Variants in ETS1 observed in about 807,000 individuals in gnomAD.
ETS1 encodes ETS proto-oncogene 1, transcription factor.
ETS1 carries 15 observed loss-of-function variants against 58.6 expected under a neutral mutation model. The ratio of observed to expected loss-of-function variants is 0.26; its 90% CI spans 0.17 to 0.39. ETS1 has a LOEUF of 0.39. Among genes scored for constraint, ETS1 ranks in the 10% least tolerant of loss-of-function variants. ETS1 has a pLI of 1.00. For missense variants in ETS1, 417 were observed against 610.5 expected, an observed-to-expected ratio of 0.68 and a Z score of 3.34; for synonymous variants, 214 against 218.2, an observed-to-expected ratio of 0.98 and a Z score of 0.17.
At chr11:128,479,801 C>G (rs1329495621) in intron 8 of ETS1, among the ~76,000 whole-genome samples, 3 of 152,000 alleles carry the variant, frequency 2.0e-5, no homozygotes, top group Admixed American at 2.0e-4. Context: ...TTGAGAGATG[C>G]TGCTGCTGAT....
At chr11:128,468,589 T>C (rs2135418153) in intron 8 of ETS1, among the ~76,000 whole-genome samples, 1 of 152,204 alleles carries the variant, frequency 6.6e-6, no homozygotes, top group Non-Finnish European at 1.5e-5. Flanking sequence ...AAGTTCTCAC[T>C]CTTGTCACCT....
Position 128,522,442 on chromosome 11 carries a change from G to C in ETS1, c.215-31866C>G, listed in dbSNP as rs909804504. ...CGATGTCCGCTTGGGGGAGCGAGGG[G>C]CGGGGCGTCGGGGCAGGGCGGGGAG... On this transcript the variant is annotated intron_variant, in intron 3 of 9. Transcript: ENST00000392668. 1.7e-5 allele frequency: 13 copies of C among 754,460 alleles called. No individual in the cohort carries two copies. The Admixed American group carries it at 4.4e-4, about 25-fold the overall frequency. 46.7% of individuals were successfully genotyped at this position (754,460 alleles called of 1,614,324 possible).
intron 3 of ETS1, chr11:128,527,125 A>G (rs1209006916): frequency 5.5e-6 from 2 of 362,234 alleles, no homozygotes; most frequent in East Asian, 8.1e-5. Flanking sequence ...TAGAAATCCA[A>G]CTTCTCTACA....
intron 8 of ETS1, among the ~76,000 whole-genome samples, chr11:128,467,856 C>G (rs1269075983): frequency 6.6e-6 from 1 of 152,102 alleles, no homozygotes; most frequent in East Asian, 1.9e-4. Flanking sequence ...AAGGAGGTCT[C>G]TTTCCAGAGC....
At chr11:128,542,487 A>G (rs1864071512) in intron 3 of ETS1, among the ~76,000 whole-genome samples, 2 of 152,322 alleles carry the variant, frequency 1.3e-5, no homozygotes, top group African/African-American at 4.8e-5. Context: ...TCTTTCTTAC[A>G]CTGAAGCTAG....
chr11:128,559,192 G>A (rs1014080409), intron 2 of ETS1, among the ~76,000 whole-genome samples: 2 of 152,228 alleles, frequency 1.3e-5, no homozygotes, highest in African/African-American at 4.8e-5. Flanking sequence ...GGATTTAAAA[G>A]TTTGGGTTTT....
In ETS1 at chr11:128,463,288, T is replaced by C. The variant is rs1043441043; in HGVS notation, c.1242+221A>G. ...CTGCCAGGCACGTTAATGCCTTCTA[T>C]CAGCTAATCCTGTAAGACAAATGGG... On this transcript the variant is annotated intron_variant, in intron 9 of 9. Coordinates refer to ENST00000392668, the MANE Select transcript of ETS1 (RefSeq NM_001143820.2). The surrounding 1 kb of genome is among the most constrained non-coding windows in gnomAD (Gnocchi z 4.1). 2.0e-5 allele frequency among the ~76,000 whole-genome samples: 3 copies of C among 152,216 alleles called. No individual in the cohort carries two copies. The highest frequency in any genetic ancestry group is 7.2e-5 in the African/African-American group (3 of 41,454).
intron 2 of ETS1, among the ~76,000 whole-genome samples, chr11:128,559,514 G>A (rs991463667): frequency 6.6e-6 from 1 of 152,134 alleles, no homozygotes; most frequent in Admixed American, 6.5e-5. Context: ...GAAACCCTCT[G>A]TATATTTTTA....
At chr11:128,493,673 C>T (rs1169221287) in intron 3 of ETS1, among the ~76,000 whole-genome samples, 3 of 152,156 alleles carry the variant, frequency 2.0e-5, no homozygotes, top group African/African-American at 7.2e-5. Flanking sequence ...AAAGTCAGAA[C>T]TTTATCCTAT....
At chr11:128,488,799 T>C (rs532265601) in intron 5 of ETS1, among the ~76,000 whole-genome samples, 56 of 152,308 alleles carry the variant, frequency 3.7e-4, no homozygotes, top group Middle Eastern at 6.8e-3. Context: ...GATGCACTAC[T>C]GCAATTCCAA....
intron 3 of ETS1, among the ~76,000 whole-genome samples, chr11:128,511,724 T>C (rs547318204): frequency 7.9e-5 from 12 of 152,364 alleles, no homozygotes; most frequent in Non-Finnish European, 1.5e-4. Flanking sequence ...ATCATTATTA[T>C]ATTTAAGTGA....
At chr11:128,473,764 C>T (rs757698859) in intron 8 of ETS1, among the ~76,000 whole-genome samples, 8 of 152,182 alleles carry the variant, frequency 5.3e-5, no homozygotes, top group Non-Finnish European at 7.4e-5. Context: ...CAAAGAGCAG[C>T]AGCTGCTCAC....
intron 3 of ETS1, among the ~76,000 whole-genome samples, chr11:128,515,266 ACACACACG>A (rs1863493107): frequency 6.6e-6 from 1 of 151,320 alleles, no homozygotes; most frequent in Admixed American, 6.6e-5. Context: ...ACACACACAC[ACACACACG>A]CGCGCGTGCA....
At chr11:128,503,304 C>A (rs1164332367) in intron 3 of ETS1, among the ~76,000 whole-genome samples, 1 of 152,134 alleles carries the variant, frequency 6.6e-6, no homozygotes, top group African/African-American at 2.4e-5. Context: ...AGAGCAGGCA[C>A]ATGCTGGATA....
At chr11:128,506,425 G>T (rs1481870425) in intron 3 of ETS1, among the ~76,000 whole-genome samples, 2 of 152,302 alleles carry the variant, frequency 1.3e-5, no homozygotes, top group East Asian at 3.9e-4. Flanking sequence ...CACCGCCTAA[G>T]TACAGAAGCA....
intron 3 of ETS1, among the ~76,000 whole-genome samples, chr11:128,542,833 G>A (rs1037377194): frequency 1.3e-5 from 2 of 152,126 alleles, no homozygotes; most frequent in African/African-American, 4.8e-5. Context: ...TAACCCTTAA[G>A]TGATGACACC....
At chr11:128,578,907 T>C (rs780636575) in intron 1 of ETS1, among the ~76,000 whole-genome samples, 64 of 152,226 alleles carry the variant, frequency 4.2e-4, no homozygotes, top group Non-Finnish European at 9.0e-4. Context: ...CCCCAATTCT[T>C]TGTCATTATA....
chr11:128,484,813 T>G lies in ETS1; in HGVS notation c.862+10A>C. The stretch of plus-strand genomic sequence containing the variant: ...AACCCAAGAGCTTTTAGAGAAGAAA[T>G]ATGACCTACCACGACTGGTCCTCCC... On this transcript the variant is annotated intron_variant, in intron 7 of 9. Transcript: ENST00000392668. 6.2e-7 allele frequency: 1 copy of G among 1,609,922 alleles called. No individual in the cohort carries two copies. The highest frequency in any genetic ancestry group is 8.5e-7 in the Non-Finnish European group (1 of 1,176,822).
In ETS1 at chr11:128,485,039, G is replaced by C. The variant is rs1862590104; in HGVS notation, c.646C>G (p.Pro216Ala). The change falls in exon 7 of 10, where the codon CCA becomes GCA. Residue 216 changes from proline to alanine, a missense_variant. Pro to Ala is a conservative substitution (Grantham distance 27). Around this residue, in one of 4 missense-constraint regions of ETS1, gnomAD observed 132 missense variants for 212.1 expected, o/e 0.62. Transcript: ENST00000392668. ...YGIEHAQCVP[P>A]SEFSEPSFIT... is the part of the protein sequence containing the mutation. ...AAGCTGGGCTCTGAGAACTCCGATG[G>C]TGGAACACACTGGGCATGCTCAATA... The C allele has an allele frequency of 6.2e-7, 1 of 1,613,854 alleles. No individual in the cohort carries two copies. Among genetic ancestry groups the C allele is most frequent in the Non-Finnish European group, 8.5e-7 (1 of 1,179,880 alleles).
Sources: allele counts gnomAD v4.1 joint callset (sites outside exome capture counted in the v4.1 genomes callset), GRCh38; gene constraint gnomAD v4.1.1; regional missense constraint gnomAD v4.1.1; non-coding constraint Gnocchi (gnomAD v3.1); transcripts MANE v1.5; gene names NCBI Gene and HGNC (gene_info 2026-07-23, HGNC 2026-07-21).